CA4: variants seen among roughly 807,000 people sequenced by gnomAD.
CA4 encodes the protein carbonic anhydrase 4.
Under a neutral mutation model 34.5 loss-of-function variants are expected in CA4, and 24 were observed. The observed-to-expected ratio is 0.70, with a 90% CI of 0.50 to 0.98. The LOEUF (loss-of-function observed/expected upper bound fraction) is 0.98, where lower values mean the gene tolerates loss of function less well. CA4 is among the 50% of genes least tolerant of loss of function. The pLI is 0.00. For missense variants in CA4, 394 were observed against 396.7 expected (o/e 0.99, Z 0.06); for synonymous variants, 178 against 170.6 (o/e 1.04, Z -0.34).
chr17:60,159,797 T>G (rs1451000003), downstream of CA4, among the ~76,000 whole-genome samples: 1 of 151,830 alleles, frequency 6.6e-6, no homozygotes, highest in Non-Finnish European at 1.5e-5. Flanking sequence ...GCTAGAGGAG[T>G]TCCAATCTGA....
intron 5 of CA4, among the ~76,000 whole-genome samples, chr17:60,166,360 C>A (rs1393435045): frequency 6.6e-6 from 1 of 152,216 alleles, no homozygotes; most frequent in Non-Finnish European, 1.5e-5. Flanking sequence ...CCTCTCTCCT[C>A]TGTCTCCTAA....
At position 60,155,296 on chromosome 17, in the gene CA4, C is replaced by T; in HGVS notation, c.59-18C>T. Reference sequence around the variant, plus strand: ...AGACACACGCACGCACACTTCACACCCTTCCTCTCTGCTCCAGAGTCACAC... The same window carrying T: ...AGACACACGCACGCACACTTCACACTCTTCCTCTCTGCTCCAGAGTCACAC... On this transcript the variant is annotated intron_variant, in intron 1 of 7. Coordinates refer to ENST00000300900, the MANE Select transcript of CA4 (RefSeq NM_000717.5). 6.2e-7 allele frequency: 1 copy of T among 1,610,128 alleles called. No homozygotes were observed. The highest frequency in any genetic ancestry group is 8.5e-7 in the Non-Finnish European group (1 of 1,178,110).
the CA4 span, among the ~76,000 whole-genome samples, chr17:60,178,816 C>A: frequency 1.3e-5 from 2 of 152,218 alleles, no homozygotes; most frequent in African/African-American, 4.8e-5. Flanking sequence ...AATAAAACTT[C>A]AGGAAAAAGG....
intron 2 of CA4, among the ~76,000 whole-genome samples, chr17:60,156,113 C>T (rs934594935): frequency 6.6e-6 from 1 of 152,164 alleles, no homozygotes; most frequent in Non-Finnish European, 1.5e-5. Flanking sequence ...CAGCAGCCCC[C>T]CCGGGGGTCC....
chr17:60,169,279 GCA>G, intron 5 of CA4, among the ~76,000 whole-genome samples: 3 of 150,354 alleles, frequency 2.0e-5, no homozygotes, highest in African/African-American at 7.5e-5. Context: ...AGCAGCAGCA[GCA>G]GCAGCAACAG....
intron 2 of CA4, 25 bp from the exon 3 acceptor site, chr17:60,156,535 C>T (rs2083687268): frequency 6.2e-7 from 1 of 1,613,742 alleles, no homozygotes; most frequent in African/African-American, 1.3e-5. Flanking sequence ...ACCCGACTCT[C>T]AGCCCACCTT....
chr17:60,159,540 G>A lies in CA4; in HGVS notation c.*116G>A, dbSNP rs1482593379. ...ATGATTAAAATATGGACATATTTTT[G>A]GAGAAACCTTTCTCAAGTGTGTTTT... On this transcript the variant is annotated 3_prime_UTR_variant, in exon 8 of 8. Coordinates refer to ENST00000300900, the MANE Select transcript of CA4 (RefSeq NM_000717.5). 1 of 1,173,558 alleles carries A rather than the reference G, an allele frequency of 8.5e-7. No homozygotes were observed. Among genetic ancestry groups the A allele is most frequent in the African/African-American group, 1.5e-5 (1 of 65,890 alleles). The allele number at this position is 1,173,558 out of a possible 1,614,324, so 72.7% of individuals were successfully genotyped here. A position where few individuals can be genotyped will look rare whatever the true frequency, so the allele number is the denominator to read the frequency against.
intron 1 of CA4, among the ~76,000 whole-genome samples, chr17:60,153,611 G>T (rs1271920908): frequency 2.0e-5 from 3 of 152,210 alleles, no homozygotes; most frequent in Non-Finnish European, 4.4e-5. Flanking sequence ...TTGGGGTCTG[G>T]ATCGGGACCC....
chr17:60,167,500 G>A (rs973402809), intron 5 of CA4, among the ~76,000 whole-genome samples: 2 of 152,252 alleles, frequency 1.3e-5, no homozygotes, highest in African/African-American at 4.8e-5. Flanking sequence ...TGGCCACAGA[G>A]AGGGAGGGCA....
In CA4 at chr17:60,157,570, G is replaced by C; in HGVS notation, c.412G>C (p.Glu138Gln). ...HSLDGEHFAM[E>Q]MHIVHEKEKG... ...CCTCGATGGGGAGCACTTTGCCATG[G>C]AGGTGAGGGCCCCTTCCCGACTGGG... Residue 138 changes from glutamate to glutamine, a missense_variant and splice_region_variant, in exon 4 of 8, where the codon GAG (glutamate) becomes CAG (glutamine). Coordinates refer to ENST00000300900, the MANE Select transcript of CA4 (RefSeq NM_000717.5). 1 of 1,614,208 alleles carries C rather than the reference G, an allele frequency of 6.2e-7. No homozygotes were observed. Among genetic ancestry groups the C allele is most frequent in the Non-Finnish European group, 8.5e-7 (1 of 1,180,032 alleles).
chr17:60,156,139 A>G (rs1489303590), intron 2 of CA4, among the ~76,000 whole-genome samples: 1 of 152,134 alleles, frequency 6.6e-6, no homozygotes. Flanking sequence ...CACAGTTTCC[A>G]AAGCCCTCTC....
At chr17:60,155,437 C>G (rs1251129789) in intron 2 of CA4, 70 bp downstream of exon 2, 3 of 1,298,468 alleles carry the variant, frequency 2.3e-6, no homozygotes, top group Admixed American at 3.9e-5. Flanking sequence ...AATGGAGACC[C>G]CGGAAGAGTG....
downstream of CA4, among the ~76,000 whole-genome samples, chr17:60,163,894 G>C (rs1488039778): frequency 6.6e-6 from 1 of 152,186 alleles, no homozygotes; most frequent in East Asian, 1.9e-4. Flanking sequence ...ACTTTGGGAG[G>C]TCAAGGCGGG....
At chr17:60,159,017 G>A in intron 7 of CA4, 1 of 610,274 alleles carries the variant, frequency 1.6e-6, no homozygotes, top group Admixed American at 2.8e-5. Context: ...TGAGTGAAAG[G>A]AAGCCAATGG....
chr17:60,175,897 G>T (rs1435199377), downstream of CA4, among the ~76,000 whole-genome samples: 7 of 149,446 alleles, frequency 4.7e-5, no homozygotes, highest in Non-Finnish European at 8.9e-5. Flanking sequence ...GCTCACTGCA[G>T]CCTCTGCCTC....
chr17:60,155,257 G>A, intron 1 of CA4, 57 bp from the exon 2 acceptor site: 2 of 1,523,690 alleles, frequency 1.3e-6, no homozygotes, highest in Non-Finnish European at 1.8e-6. Context: ...ATCCTCCTGT[G>A]TGTGTGAGCA....
downstream of CA4, among the ~76,000 whole-genome samples, chr17:60,175,189 A>ATTTTTTTTTTTTTTTTTTTT (rs555031745): frequency 2.8e-5 from 3 of 107,644 alleles, no homozygotes; most frequent in African/African-American, 1.5e-4. Flanking sequence ...CACCCAGCTG[A>ATTTTTTTTTTTTTTTTTTTT]TTTTTTTTTT....
At chr17:60,158,706 C>CT (rs1407195092) in intron 7 of CA4, 2 of 550,502 alleles carry the variant, frequency 3.6e-6, no homozygotes, top group Non-Finnish European at 6.5e-6. Flanking sequence ...GAACGAGGCT[C>CT]TGGGGAGACA....
intron 2 of CA4, among the ~76,000 whole-genome samples, chr17:60,156,353 G>A (rs905008168): frequency 6.6e-6 from 1 of 152,144 alleles, no homozygotes; most frequent in Non-Finnish European, 1.5e-5. Flanking sequence ...AGCCTTGCAT[G>A]TATGTTTCTG....
Sources: gnomAD v4.1 joint callset for allele counts (sites outside exome capture counted in the v4.1 genomes callset) on GRCh38, gnomAD v4.1.1 for gene constraint, MANE v1.5 for transcripts, NCBI Gene and HGNC (gene_info 2026-07-23, HGNC 2026-07-21) for gene names.